The following STOX2 variants were observed in gnomAD, a reference collection of about 807,000 sequenced individuals.
STOX2 encodes storkhead-box protein 2.
STOX2 carries 28 observed loss-of-function variants against 60.9 expected under a neutral mutation model. The ratio of observed to expected loss-of-function variants is 0.46; its 90% CI spans 0.34 to 0.63. The LOEUF (loss-of-function observed/expected upper bound fraction) is 0.63. Ranked by LOEUF, STOX2 falls within the 30% of genes least tolerant of loss-of-function variation. The pLI is 0.01. For missense variants in STOX2, 1,024 were observed against 1,187.7 expected (o/e 0.86, Z 2.03); for synonymous variants, 472 against 463.9 (o/e 1.02, Z -0.22).
intron 1 of STOX2, chr4:183,798,844 C>G: frequency 1.0e-6 from 1 of 957,598 alleles, no homozygotes; most frequent in Non-Finnish European, 1.2e-6. Context: ...CTCCTTAATC[C>G]AGTTTGCATC....
At chr4:183,956,072 A>G (rs974589787) in intron 1 of STOX2, among the ~76,000 whole-genome samples, 2 of 152,196 alleles carry the variant, frequency 1.3e-5, no homozygotes, top group Non-Finnish European at 2.9e-5. Flanking sequence ...CCTCTCCAGT[A>G]TATAAAATTG....
At chr4:183,902,935 A>G (rs940664231), upstream of STOX2, among the ~76,000 whole-genome samples, 3 of 152,196 alleles carry the variant, frequency 2.0e-5, no homozygotes, top group Non-Finnish European at 2.9e-5. Flanking sequence ...GAGGTGGCTG[A>G]GTGGAGCTAT....
intron 1 of STOX2, among the ~76,000 whole-genome samples, chr4:183,949,442 G>A (rs1743001874): frequency 6.6e-6 from 1 of 152,196 alleles, no homozygotes; most frequent in Non-Finnish European, 1.5e-5. Context: ...GCTCATGCCT[G>A]TAATCCCAGC....
At chr4:184,014,132 A>AAAC (rs1734273272) in intron 3 of STOX2, 6 of 136,368 alleles carry the variant, frequency 4.4e-5, no homozygotes, top group African/African-American at 1.7e-4. Flanking sequence ...AAAAAAAAAA[A>AAAC]AACAGAAAAA....
chr4:183,873,148 T>G (rs927996576), intron 1 of STOX2, among the ~76,000 whole-genome samples: 1 of 152,136 alleles, frequency 6.6e-6, no homozygotes, highest in Non-Finnish European at 1.5e-5. Flanking sequence ...TGGGCACATA[T>G]AAAAATTGGG....
upstream of STOX2, among the ~76,000 whole-genome samples, chr4:183,904,129 T>G (rs1465530832): frequency 1.3e-5 from 2 of 152,172 alleles, no homozygotes; most frequent in African/African-American, 2.4e-5. Flanking sequence ...CGTGCTCCTG[T>G]GAGAATCTAA....
chr4:183,885,455 C>G (rs558537493), intron 1 of STOX2, among the ~76,000 whole-genome samples: 2 of 152,188 alleles, frequency 1.3e-5, no homozygotes, highest in African/African-American at 2.4e-5. Context: ...TGCCTGTGGC[C>G]TCCTTGCTGT....
At chr4:183,962,918 G>A (rs1297363931) in intron 1 of STOX2, among the ~76,000 whole-genome samples, 3 of 152,192 alleles carry the variant, frequency 2.0e-5, no homozygotes, top group African/African-American at 7.2e-5. Flanking sequence ...TTTATAAAAG[G>A]GGGGTTATTA....
intron 1 of STOX2, among the ~76,000 whole-genome samples, chr4:183,970,630 A>T (rs1030839653): frequency 2.0e-5 from 3 of 152,224 alleles, no homozygotes; most frequent in Admixed American, 1.3e-4. Flanking sequence ...GCTCTCAGCT[A>T]GAGGCATCTC....
chr4:183,888,842 G>A (rs999101109), intron 1 of STOX2, among the ~76,000 whole-genome samples: 2 of 152,002 alleles, frequency 1.3e-5, no homozygotes, highest in African/African-American at 4.8e-5. Flanking sequence ...CCGCAATTAT[G>A]CTGACTTACT....
At chr4:183,938,198 T>C (rs56059031) in intron 1 of STOX2, among the ~76,000 whole-genome samples, 3,949 of 152,274 alleles carry the variant, frequency 0.026, 171 homozygotes, top group African/African-American at 0.088. Context: ...CTTTAAAATC[T>C]TCTTCCATTC....
intron 1 of STOX2, among the ~76,000 whole-genome samples, chr4:183,804,649 A>C (rs1738844163): frequency 6.6e-6 from 1 of 152,248 alleles, no homozygotes; most frequent in African/African-American, 2.4e-5. Flanking sequence ...TCTTACATTA[A>C]AATCTCAGGA....
At position 183,979,308 on chromosome 4, in the gene STOX2, C is replaced by T. The variant is rs150233513; in HGVS notation, c.167-22017C>T. ...TCACTCACTGTCACAAGAACGGTAC[C>T]GAGGAGATGGTGTTAACTCATTCAT... On this transcript the variant is annotated intron_variant, in intron 1 of 3. Transcript: ENST00000308497. 4.9e-3 allele frequency among the ~76,000 whole-genome samples: 740 copies of T among 152,270 alleles called. 2 individuals carry two copies. Among genetic ancestry groups the T allele is most frequent in the Non-Finnish European group, 8.4e-3 (573 of 68,018 alleles).
At chr4:183,974,397 A>C (rs945449390) in intron 1 of STOX2, among the ~76,000 whole-genome samples, 2 of 152,218 alleles carry the variant, frequency 1.3e-5, no homozygotes, top group Non-Finnish European at 2.9e-5. Context: ...ATTAAATATA[A>C]ATGATCTAAA....
At chr4:183,923,748 C>G (rs988579384) in intron 1 of STOX2, among the ~76,000 whole-genome samples, 1 of 152,100 alleles carries the variant, frequency 6.6e-6, no homozygotes, top group African/African-American at 2.4e-5. Flanking sequence ...CTTAGAATAT[C>G]TTTAGGGGTG....
At chr4:183,996,339 G>A (rs529440131) in intron 1 of STOX2, among the ~76,000 whole-genome samples, 1 of 152,304 alleles carries the variant, frequency 6.6e-6, no homozygotes, top group Admixed American at 6.5e-5. Flanking sequence ...AAGATGAGTT[G>A]TCGTTATGAA....
At chr4:183,873,944 C>T (rs1740754531) in intron 1 of STOX2, among the ~76,000 whole-genome samples, 1 of 152,182 alleles carries the variant, frequency 6.6e-6, no homozygotes, top group Non-Finnish European at 1.5e-5. Context: ...TGAGCTTCCT[C>T]CAGACTTGTG....
intron 1 of STOX2, among the ~76,000 whole-genome samples, chr4:183,870,763 G>A (rs7693161): frequency 0.55 from 82,981 of 152,062 alleles, 23,504 homozygotes; most frequent in East Asian, 0.68. Flanking sequence ...CACTGATGGG[G>A]GAGAAGAATT....
At chr4:183,950,987 G>T (rs371829426) in intron 1 of STOX2, among the ~76,000 whole-genome samples, 32 of 152,040 alleles carry the variant, frequency 2.1e-4, no homozygotes, top group African/African-American at 5.8e-4. Context: ...AGGCCGAGGC[G>T]GGCGGATCAC....
Sources: allele counts gnomAD v4.1 joint callset (sites outside exome capture counted in the v4.1 genomes callset), GRCh38; gene constraint gnomAD v4.1.1; transcripts MANE v1.5; gene names NCBI Gene and HGNC (gene_info 2026-07-23, HGNC 2026-07-21).